Variants in CLPB observed in about 807,000 individuals in gnomAD.
CLPB encodes mitochondrial disaggregase.
Under a neutral mutation model 78.4 loss-of-function variants are expected in CLPB, and 40 were observed. The ratio of observed to expected loss-of-function variants is 0.51; its 90% confidence interval spans 0.40 to 0.66. CLPB has a LOEUF of 0.66. Among genes scored for constraint, CLPB ranks in the 30% least tolerant of loss-of-function variants. The probability of loss-of-function intolerance (pLI) is 0.00; values close to 1 mark genes in which losing one functional copy is unlikely to be tolerated. For synonymous variants in CLPB, 333 were observed against 348.0 expected, an observed-to-expected ratio of 0.96 and a Z score of 0.48; for missense variants, 780 against 886.9, an observed-to-expected ratio of 0.88 and a Z score of 1.53.
chr11:72,373,511 G>A (rs1565469278), intron 4 of CLPB, among the ~76,000 whole-genome samples: 2 of 152,190 alleles, frequency 1.3e-5, no homozygotes, highest in Admixed American at 6.5e-5. Flanking sequence ...TCAGGGAATA[G>A]GTTGGCAGAG....
intron 6 of CLPB, among the ~76,000 whole-genome samples, chr11:72,326,107 AT>A (rs1950129472): frequency 6.6e-6 from 1 of 152,190 alleles, no homozygotes; most frequent in African/African-American, 2.4e-5. Context: ...TACTTCACAG[AT>A]TTGCTACAGG....
At chr11:72,296,450 T>C (rs569840216) in intron 11 of CLPB, among the ~76,000 whole-genome samples, 1 of 152,140 alleles carries the variant, frequency 6.6e-6, no homozygotes, top group Admixed American at 6.6e-5. Context: ...GAGCAAACAG[T>C]ATAGGGCAGA....
rs140399295 is a variant in CLPB, at chr11:72,339,449, G to A, written c.776-9645C>T. Among the ~76,000 whole-genome samples the A allele has an allele frequency of 2.0e-5, 3 of 152,302 alleles. No individual in the cohort carries two copies. In the East Asian group the frequency reaches 5.8e-4, roughly 29 times the overall value. On this transcript the variant is annotated intron_variant, in intron 5 of 15. Transcript: ENST00000538039. ...ATTAAAACCCTGAGAAGCAGATTTT[G>A]GCTAAATTTCTAACCATGGGAACAT...
At chr11:72,390,902 G>T (rs1855234220) in intron 3 of CLPB, among the ~76,000 whole-genome samples, 1 of 152,202 alleles carries the variant, frequency 6.6e-6, no homozygotes, top group Admixed American at 6.5e-5. Flanking sequence ...GGGAGTTGCG[G>T]GCCATCAAGT....
rs922352364 is a variant in CLPB at position 72,295,475 on chromosome 11, C to G, written c.1486+17G>C. On this transcript the variant is annotated intron_variant, in intron 12 of 15. Transcript: ENST00000538039. ...GGCTTGGTCACTGGACCAGACTGCT[C>G]AGGTCAGCCGCCATACCCAGGTTTT... 6.2e-7 allele frequency: 1 copy of G among 1,612,386 alleles called. No homozygotes were observed. Among genetic ancestry groups the G allele is most frequent in the African/African-American group, 1.3e-5 (1 of 75,010 alleles).
chr11:72,379,007 G>C (rs1357744401), intron 4 of CLPB, among the ~76,000 whole-genome samples: 1 of 152,206 alleles, frequency 6.6e-6, no homozygotes, highest in Non-Finnish European at 1.5e-5. Context: ...CAGGTTTAGA[G>C]AGGTGGAAGG....
chr11:72,372,904 T>G (rs1210845003), intron 4 of CLPB: 1 of 1,602,146 alleles, frequency 6.2e-7, no homozygotes, highest in Non-Finnish European at 8.6e-7. Flanking sequence ...GGAGAAATAT[T>G]ATACAGAGCA....
intron 2 of CLPB, among the ~76,000 whole-genome samples, chr11:72,409,580 T>G (rs1005157724): frequency 1.3e-5 from 2 of 151,822 alleles, no homozygotes; most frequent in Non-Finnish European, 2.9e-5. Flanking sequence ...AGAGGCTCCA[T>G]GTCAAAAACA....
At chr11:72,422,265 CAAAAA>C (rs71469431) in intron 2 of CLPB, among the ~76,000 whole-genome samples, 4 of 24,976 alleles carry the variant, frequency 1.6e-4, no homozygotes, top group East Asian at 1.2e-3. Flanking sequence ...GACTCCGTCT[CAAAAA>C]AAAAAAAAAA....
intron 5 of CLPB, among the ~76,000 whole-genome samples, chr11:72,357,925 A>G (rs983464984): frequency 2.0e-5 from 3 of 152,158 alleles, no homozygotes; most frequent in African/African-American, 2.4e-5. Flanking sequence ...TCTAGCCCCA[A>G]GAGAGGATCC....
chr11:72,354,331 G>T (rs1950667425), intron 5 of CLPB: 1 of 393,628 alleles, frequency 2.5e-6, no homozygotes, highest in Non-Finnish European at 4.5e-6. Context: ...TGGGAGAGAA[G>T]TTAATTCCTG....
chr11:72,338,908 G>A (rs1450360085), intron 5 of CLPB, among the ~76,000 whole-genome samples: 1 of 152,160 alleles, frequency 6.6e-6, no homozygotes, highest in African/African-American at 2.4e-5. Flanking sequence ...GACATCTGAT[G>A]GGATGTCTCA....
intron 2 of CLPB, among the ~76,000 whole-genome samples, chr11:72,416,062 A>G (rs1259634610): frequency 2.0e-5 from 3 of 152,220 alleles, no homozygotes; most frequent in African/African-American, 7.2e-5. Context: ...GGACCAAGTG[A>G]GGGGAGTTGC....
At chr11:72,293,851 G>A (rs1258281304) in intron 15 of CLPB, among the ~76,000 whole-genome samples, 171 bp downstream of exon 15, 1 of 152,192 alleles carries the variant, frequency 6.6e-6, no homozygotes, top group Non-Finnish European at 1.5e-5. Context: ...CCTCCAGCAG[G>A]GGTTTTACTT....
chr11:72,422,190 C>T (rs758317857), intron 2 of CLPB, among the ~76,000 whole-genome samples: 9 of 145,646 alleles, frequency 6.2e-5, no homozygotes, highest in South Asian at 4.3e-4. Context: ...GGCGTGAACC[C>T]GAGAGGCGGA....
chr11:72,347,944 A>G (rs1950545352), intron 5 of CLPB, among the ~76,000 whole-genome samples: 1 of 152,240 alleles, frequency 6.6e-6, no homozygotes. Flanking sequence ...TGGCAACTGC[A>G]TGGAGACATA....
rs1268594254 is a variant in CLPB, at chr11:72,290,378, G to A, written c.*2989C>T. The A allele has an allele frequency of 6.6e-6, 1 of 152,052 alleles. No individual in the cohort carries two copies. Among genetic ancestry groups the A allele is most frequent in the African/African-American group, 2.4e-5 (1 of 41,384 alleles). 9.4% of individuals were successfully genotyped at this position (152,052 alleles called of 1,614,324 possible). ...ATATAAATTATCAAATAAATAAATG[G>A]GGAAAAGGGACAGCTCTTCCTTATA... is the stretch of plus-strand genomic sequence containing the variant. On this transcript the variant is annotated 3_prime_UTR_variant, in exon 16 of 16. Transcript: ENST00000538039.
intron 5 of CLPB, chr11:72,352,604 T>C (rs1225965144): frequency 6.6e-6 from 1 of 152,236 alleles, no homozygotes; most frequent in African/African-American, 2.4e-5. Flanking sequence ...CCTGCCCTCT[T>C]CAAGATTTAA....
At chr11:72,398,005 G>A (rs1855457680) in intron 3 of CLPB, among the ~76,000 whole-genome samples, 1 of 152,184 alleles carries the variant, frequency 6.6e-6, no homozygotes, top group African/African-American at 2.4e-5. Flanking sequence ...AGAGCTTTAA[G>A]GAAAGCTACA....
Sources: gnomAD v4.1 joint callset for allele counts (sites outside exome capture counted in the v4.1 genomes callset) on GRCh38, gnomAD v4.1.1 for gene constraint, MANE v1.5 for transcripts, NCBI Gene and HGNC (gene_info 2026-07-23, HGNC 2026-07-21) for gene names.